The following NAV3 variants were observed in gnomAD, a reference collection of about 807,000 sequenced individuals.
NAV3 encodes pore membrane and/or filament interacting like protein 1.
Under a neutral mutation model 244.7 loss-of-function variants are expected in NAV3, and 87 were observed. The ratio of observed to expected loss-of-function variants is 0.36; its 90% CI spans 0.30 to 0.42. The LOEUF is 0.42. Among genes scored for constraint, NAV3 ranks in the 20% least tolerant of loss-of-function variants. NAV3 has a pLI of 1.00. For missense variants in NAV3, 2,663 were observed against 2,893.3 expected (o/e 0.92, Z 1.83); for synonymous variants, 1,126 against 1,042.2 (o/e 1.08, Z -1.55).
At chr12:77,849,917 G>T (rs1447525824) in intron 1 of NAV3, among the ~76,000 whole-genome samples, 2 of 152,042 alleles carry the variant, frequency 1.3e-5, no homozygotes, top group Non-Finnish European at 2.9e-5. Context: ...TCTAAGACAA[G>T]TGTCTCCTTT....
At chr12:78,135,169 A>G (rs574685382) in intron 18 of NAV3, among the ~76,000 whole-genome samples, 2 of 152,320 alleles carry the variant, frequency 1.3e-5, no homozygotes, top group Admixed American at 6.5e-5. Context: ...CTTCTACTGT[A>G]TAGTTTTTCT....
rs1960807855 is a variant in NAV3, at chr12:78,210,619, G to A, written c.*102G>A. The A allele has an allele frequency of 7.2e-7, 1 of 1,396,818 alleles. No homozygotes were observed. Among genetic ancestry groups the A allele is most frequent in the Admixed American group, 2.4e-5 (1 of 41,874 alleles). 86.5% of individuals were successfully genotyped at this position (1,396,818 alleles called of 1,614,324 possible). On this transcript the variant is annotated 3_prime_UTR_variant, in exon 40 of 40. Coordinates refer to ENST00000397909, the MANE Select transcript of NAV3 (RefSeq NM_001024383.2). ...TGCCAGTATAAAAGCACCCTGTCAA[G>A]GGCCCTGACCCAGAGTTGTGGTCTC...
rs185238851 is a variant in NAV3 at position 78,206,951 on chromosome 12, C to T, written c.7038+1813C>T. 6.3e-4 allele frequency among the ~76,000 whole-genome samples: 95 copies of T among 150,376 alleles called. 1 individual carries two copies. Among genetic ancestry groups the T allele is most frequent in the East Asian group, 2.4e-3 (12 of 5,038 alleles). ...TTGGCTCACCACAACCTCCGCCCCC[C>T]GAGTTCAAGCAATTCTCCTGCCTCA... is the stretch of plus-strand genomic sequence containing the variant. On this transcript the variant is annotated intron_variant, in intron 39 of 39. Coordinates refer to ENST00000397909, the MANE Select transcript of NAV3 (RefSeq NM_001024383.2).
rs1300525872 is a variant in NAV3 at position 78,119,882 on chromosome 12, G to A, written c.3686G>A (p.Gly1229Asp). 2 of 1,614,156 alleles carry A rather than the reference G, an allele frequency of 1.2e-6. No homozygotes were observed. Among genetic ancestry groups the A allele is most frequent in the African/African-American group, 1.3e-5 (1 of 75,026 alleles). The part of the protein sequence containing the change: ...KSSPTSASAC[G>D]AQGLRQPGSK... Reference sequence around the variant, plus strand: ...AGCCCCACCTCTGCCAGCGCCTGTGGTGCACAAGGTCTCAGGCAGCCAGGA... The same window carrying A: ...AGCCCCACCTCTGCCAGCGCCTGTGATGCACAAGGTCTCAGGCAGCCAGGA... The change falls in exon 15 of 40, where the codon GGT (glycine) becomes GAT (aspartate). Residue 1229 changes from glycine to aspartate, a missense_variant. By Grantham distance (94) the Gly-to-Asp change is moderately conservative. Transcript: ENST00000397909.
chr12:77,783,870 G>C (rs958894321), intron 2 of NAV3, among the ~76,000 whole-genome samples: 1 of 152,068 alleles, frequency 6.6e-6, no homozygotes, highest in African/African-American at 2.4e-5. Flanking sequence ...AATCATGCAG[G>C]GCTTAATTTC....
intron 2 of NAV3, among the ~76,000 whole-genome samples, chr12:77,667,388 G>T (rs573733548): frequency 6.6e-6 from 1 of 152,158 alleles, no homozygotes; most frequent in Admixed American, 6.5e-5. Flanking sequence ...CCTGGAAATA[G>T]ACTCCATGCT....
intron 2 of NAV3, among the ~76,000 whole-genome samples, chr12:77,775,500 A>G (rs1222471981): frequency 4.6e-5 from 7 of 152,092 alleles, no homozygotes; most frequent in African/African-American, 1.7e-4. Context: ...AGCTCACCTT[A>G]CAATATATAT....
At chr12:78,061,419 A>G (rs1352767678) in intron 12 of NAV3, among the ~76,000 whole-genome samples, 1 of 152,192 alleles carries the variant, frequency 6.6e-6, no homozygotes, top group Non-Finnish European at 1.5e-5. Flanking sequence ...ATGACTTGTT[A>G]TACCTGAAAT....
Position 78,198,691 on chromosome 12 carries a change from A to C in NAV3, c.6518+15A>C, listed in dbSNP as rs189606271. 1.5e-6 allele frequency: 2 copies of C among 1,290,598 alleles called. No individual in the cohort carries two copies. The highest frequency in any genetic ancestry group is 2.1e-6 in the Non-Finnish European group (2 of 957,446). 79.9% of individuals were successfully genotyped at this position (1,290,598 alleles called of 1,614,324 possible). A position where few individuals can be genotyped will look rare whatever the true frequency, so the allele number is the denominator to read the frequency against. Reference sequence around the variant, plus strand: ...CACAATTTCAGGTAAAGTTAAGTTGAAGGTTTTTTTGTTTTGTTTTTTTGT... The same window carrying C: ...CACAATTTCAGGTAAAGTTAAGTTGCAGGTTTTTTTGTTTTGTTTTTTTGT... On this transcript the variant is annotated intron_variant, in intron 36 of 39. Transcript: ENST00000397909.
At chr12:77,860,521 G>C (rs1173733196) in intron 1 of NAV3, among the ~76,000 whole-genome samples, 1 of 151,570 alleles carries the variant, frequency 6.6e-6, no homozygotes, top group Admixed American at 6.6e-5. Context: ...AATAATAACT[G>C]TTACACCCTT....
At chr12:77,694,780 C>T (rs765946083) in intron 2 of NAV3, among the ~76,000 whole-genome samples, 12 of 152,120 alleles carry the variant, frequency 7.9e-5, no homozygotes, top group Non-Finnish European at 1.6e-4. Context: ...CACTTGTGAA[C>T]ACAACAAGGA....
intron 25 of NAV3, 80 bp from the exon 26 acceptor site, chr12:78,176,359 T>A: frequency 7.4e-7 from 1 of 1,359,250 alleles, no homozygotes; most frequent in African/African-American, 1.5e-5. Context: ...AAAAAATGTT[T>A]ATACAGGTAA....
At chr12:78,046,065 G>A (rs1341635731) in intron 9 of NAV3, among the ~76,000 whole-genome samples, 1 of 152,128 alleles carries the variant, frequency 6.6e-6, no homozygotes, top group Non-Finnish European at 1.5e-5. Flanking sequence ...ATTTCTGTGG[G>A]ATCAGTGGTG....
chr12:77,809,494 G>A (rs1448725297), intron 2 of NAV3, among the ~76,000 whole-genome samples: 2 of 152,182 alleles, frequency 1.3e-5, no homozygotes, highest in Non-Finnish European at 2.9e-5. Flanking sequence ...CCCTCCATGG[G>A]CTGTACCCAC....
At chr12:78,097,767 C>G (rs1954330240) in intron 12 of NAV3, among the ~76,000 whole-genome samples, 1 of 152,062 alleles carries the variant, frequency 6.6e-6, no homozygotes, top group Admixed American at 6.6e-5. Context: ...CTGTTTTCAA[C>G]CTTGTTCACA....
At chr12:77,609,898 C>T (rs745686012) in intron 2 of NAV3, among the ~76,000 whole-genome samples, 5 of 151,940 alleles carry the variant, frequency 3.3e-5, no homozygotes, top group African/African-American at 4.8e-5. Flanking sequence ...TTTGTAAGCT[C>T]CTTGAGCCCT....
intron 38 of NAV3, among the ~76,000 whole-genome samples, chr12:78,204,449 A>G (rs1299306113): frequency 6.6e-6 from 1 of 152,158 alleles, no homozygotes; most frequent in Non-Finnish European, 1.5e-5. Context: ...AAGTTTTCCT[A>G]CTCTAAAAGA....
At chr12:77,606,102 A>G (rs188899332) in intron 2 of NAV3, among the ~76,000 whole-genome samples, 27 of 152,288 alleles carry the variant, frequency 1.8e-4, no homozygotes, top group African/African-American at 6.5e-4. Flanking sequence ...CCTCATAGGT[A>G]AAAATGAGCA....
intron 2 of NAV3, among the ~76,000 whole-genome samples, chr12:77,629,032 G>A (rs1049804240): frequency 1.3e-5 from 2 of 151,908 alleles, no homozygotes; most frequent in East Asian, 1.9e-4. Context: ...AACCTTAATT[G>A]CTCATACAAT....
Sources: gnomAD v4.1 joint callset for allele counts (sites outside exome capture counted in the v4.1 genomes callset) on GRCh38, gnomAD v4.1.1 for gene constraint, MANE v1.5 for transcripts, NCBI Gene and HGNC (gene_info 2026-07-23, HGNC 2026-07-21) for gene names.